The following ARMH4 variants were observed in gnomAD, a reference collection of about 807,000 sequenced individuals.
ARMH4 encodes the protein armadillo like helical domain containing 4.
Under a neutral mutation model 61.9 loss-of-function variants are expected in ARMH4, and 49 were observed. The observed-to-expected ratio is 0.79, with a 90% confidence interval of 0.63 to 1.00. ARMH4 has a LOEUF of 1.00. Among genes scored for constraint, ARMH4 ranks in the 50% least tolerant of loss-of-function variants. The pLI, the probability that ARMH4 is intolerant of heterozygous loss-of-function variation, is 0.00. For missense variants in ARMH4, 934 were observed against 930.0 expected, an observed-to-expected ratio of 1.00 and a Z score of -0.06; for synonymous variants, 368 against 341.5, an observed-to-expected ratio of 1.08 and a Z score of -0.85.
intron 5 of ARMH4, among the ~76,000 whole-genome samples, chr14:58,052,212 G>A (rs909559722): frequency 7.2e-5 from 11 of 152,102 alleles, no homozygotes; most frequent in Non-Finnish European, 1.5e-5. Flanking sequence ...TGTGTCCTGC[G>A]CACCCCCATG....
chr14:58,080,392 C>A (rs1199279834), intron 5 of ARMH4, among the ~76,000 whole-genome samples: 1 of 152,112 alleles, frequency 6.6e-6, no homozygotes, highest in Non-Finnish European at 1.5e-5. Flanking sequence ...GCCTCCCAAA[C>A]TGCTGGGATT....
At chr14:58,090,865 G>C (rs1223640718) in intron 5 of ARMH4, among the ~76,000 whole-genome samples, 1 of 143,228 alleles carries the variant, frequency 7.0e-6, no homozygotes, top group Admixed American at 7.1e-5. Context: ...GGGAGACAGA[G>C]TGAGACCCTG....
intron 5 of ARMH4, among the ~76,000 whole-genome samples, chr14:58,039,862 T>C (rs1479067756): frequency 1.3e-5 from 2 of 152,162 alleles, no homozygotes; most frequent in Admixed American, 6.6e-5. Context: ...GCAATGATGC[T>C]GAAAAAATCA....
intron 3 of ARMH4, among the ~76,000 whole-genome samples, chr14:58,132,440 G>A (rs902555512): frequency 3.3e-5 from 5 of 151,136 alleles, no homozygotes; most frequent in Admixed American, 2.6e-4. Context: ...TCAAATTCAG[G>A]TCCATGCTTT....
chr14:58,061,628 A>G (rs1884533229), intron 5 of ARMH4, among the ~76,000 whole-genome samples: 1 of 152,230 alleles, frequency 6.6e-6, no homozygotes, highest in Non-Finnish European at 1.5e-5. Flanking sequence ...TGTAAAGGCT[A>G]GTGAGATAAA....
At chr14:58,092,095 C>A (rs1468637260) in intron 5 of ARMH4, among the ~76,000 whole-genome samples, 1 of 152,090 alleles carries the variant, frequency 6.6e-6, no homozygotes, top group Non-Finnish European at 1.5e-5. Context: ...TAATCTATTC[C>A]AAGAGTTTGC....
chr14:58,020,396 C>T (rs1215731971), intron 5 of ARMH4, among the ~76,000 whole-genome samples: 1 of 152,124 alleles, frequency 6.6e-6, no homozygotes, highest in Non-Finnish European at 1.5e-5. Flanking sequence ...GACAAATGTG[C>T]TTCTCTTTCT....
At chr14:58,147,942 C>T (rs1382341664) in intron 1 of ARMH4, among the ~76,000 whole-genome samples, 2 of 152,220 alleles carry the variant, frequency 1.3e-5, no homozygotes, top group East Asian at 3.8e-4. Context: ...CAAAATCCAT[C>T]TCTAATAAGG....
chr14:58,039,627 A>G (rs967841549), intron 5 of ARMH4, among the ~76,000 whole-genome samples: 1 of 152,202 alleles, frequency 6.6e-6, no homozygotes, highest in Non-Finnish European at 1.5e-5. Context: ...CTCATTAAGG[A>G]GCCTGGAGTA....
intron 2 of ARMH4, among the ~76,000 whole-genome samples, chr14:58,134,032 A>C (rs1262439861): frequency 6.6e-6 from 1 of 152,234 alleles, no homozygotes; most frequent in Non-Finnish European, 1.5e-5. Flanking sequence ...GAGTTTCCTC[A>C]GCTATAAAAT....
chr14:58,064,073 G>GAAAATTTA (rs1566563710), intron 5 of ARMH4, among the ~76,000 whole-genome samples: 7 of 151,384 alleles, frequency 4.6e-5, no homozygotes, highest in African/African-American at 1.2e-4. Context: ...ATCAACAATA[G>GAAAATTTA]GTTGAGCCAA....
intron 5 of ARMH4, among the ~76,000 whole-genome samples, chr14:58,030,597 T>C (rs1046765830): frequency 6.6e-6 from 1 of 152,184 alleles, no homozygotes; most frequent in Non-Finnish European, 1.5e-5. Context: ...ACACTGAAAC[T>C]CTATACCCAT....
At chr14:58,011,661 A>G (rs1882411059) in intron 6 of ARMH4, among the ~76,000 whole-genome samples, 1 of 152,122 alleles carries the variant, frequency 6.6e-6, no homozygotes, top group Non-Finnish European at 1.5e-5. Context: ...ATGCAAAAAA[A>G]GAAAATCTTT....
At position 58,089,032 on chromosome 14, in the gene ARMH4, T is replaced by G. The variant is rs139835634; in HGVS notation, c.2089+7692A>C. 6.5e-3 allele frequency among the ~76,000 whole-genome samples: 983 copies of G among 152,288 alleles called. 4 individuals carry two copies. Among genetic ancestry groups the G allele is most frequent in the South Asian group, 0.01 (49 of 4,824 alleles). On this transcript the variant is annotated intron_variant, in intron 5 of 7. Coordinates refer to ENST00000267485, the MANE Select transcript of ARMH4 (RefSeq NM_001001872.4). ...AATTTTTATAGCTCTCTAGGAGTTC[T>G]AAGAAATGGATTCCACTGGCAGCCA...
intron 4 of ARMH4, among the ~76,000 whole-genome samples, chr14:58,099,780 G>A (rs184374631): frequency 1.3e-4 from 20 of 152,226 alleles, no homozygotes; most frequent in South Asian, 2.1e-4. Context: ...AAGCAGCTGC[G>A]GGAGAATATC....
chr14:58,144,809 C>T lies in ARMH4; in HGVS notation c.-56-5395G>A, dbSNP rs187764830. On this transcript the variant is annotated intron_variant, in intron 1 of 7. Coordinates refer to ENST00000267485, the MANE Select transcript of ARMH4 (RefSeq NM_001001872.4). ...CGTGAACCCAGGAGGCCGAGCTTGC[C>T]GTGAGCCAAGATCGCACCACTGCAC... Among the ~76,000 whole-genome samples, 6 of 151,816 alleles carry T rather than the reference C, an allele frequency of 4.0e-5. No homozygotes were observed. The South Asian group carries it at 8.3e-4, about 21-fold the overall frequency.
intron 5 of ARMH4, among the ~76,000 whole-genome samples, chr14:58,023,858 A>G (rs1398014119): frequency 6.6e-6 from 1 of 152,222 alleles, no homozygotes; most frequent in Non-Finnish European, 1.5e-5. Context: ...GTTCTTGGGT[A>G]ACTAGGTACA....
rs1182404486 is a variant in ARMH4 at position 58,002,584 on chromosome 14, C to T, written c.*2152G>A. 1 of 152,224 alleles carries T rather than the reference C, an allele frequency of 6.6e-6. No individual in the cohort carries two copies. Among genetic ancestry groups the T allele is most frequent in the Non-Finnish European group, 1.5e-5 (1 of 68,040 alleles). 9.4% of individuals were successfully genotyped at this position (152,224 alleles called of 1,614,324 possible). On this transcript the variant is annotated 3_prime_UTR_variant, in exon 8 of 8. Coordinates refer to ENST00000267485, the MANE Select transcript of ARMH4 (RefSeq NM_001001872.4). Reference sequence around the variant, plus strand: ...AAGGCAATAATGGCCACTAGTATCACCCATGTGCTACTCAGTTAAGTGGCC... The same window carrying T: ...AAGGCAATAATGGCCACTAGTATCATCCATGTGCTACTCAGTTAAGTGGCC...
chr14:58,129,055 T>C (rs894218554), intron 4 of ARMH4, among the ~76,000 whole-genome samples: 10 of 152,304 alleles, frequency 6.6e-5, no homozygotes, highest in African/African-American at 2.4e-4. Flanking sequence ...GCCCTGCCTA[T>C]ACCTTGACTT....
Sources: allele counts gnomAD v4.1 joint callset (sites outside exome capture counted in the v4.1 genomes callset), GRCh38; gene constraint gnomAD v4.1.1; transcripts MANE v1.5; gene names NCBI Gene and HGNC (gene_info 2026-07-23, HGNC 2026-07-21).